The following SCYL2 variants were observed in gnomAD, a reference collection of about 807,000 sequenced individuals.
SCYL2 encodes SCY1 like pseudokinase 2.
In SCYL2, 36 loss-of-function variants were observed where a neutral mutation model predicts 100.4. That is an observed-to-expected ratio of 0.36 (90% CI 0.27 to 0.47). The LOEUF is 0.47. SCYL2 is among the 20% of genes least tolerant of loss of function. The pLI is 1.00. For synonymous variants in SCYL2, 330 were observed against 359.2 expected, an observed-to-expected ratio of 0.92 and a Z score of 0.92; for missense variants, 902 against 1,083.9, an observed-to-expected ratio of 0.83 and a Z score of 2.36.
At chr12:100,285,338 T>A (rs528997682) in intron 2 of SCYL2, among the ~76,000 whole-genome samples, 14 of 152,392 alleles carry the variant, frequency 9.2e-5, no homozygotes, top group African/African-American at 3.1e-4. Context: ...AGTATATGGA[T>A]AAGCTATATC....
chr12:100,285,469 A>T (rs2096303522), intron 2 of SCYL2, among the ~76,000 whole-genome samples: 1 of 152,186 alleles, frequency 6.6e-6, no homozygotes, highest in Non-Finnish European at 1.5e-5. Context: ...GTTGTAGTGT[A>T]TGTGTTCATT....
chr12:100,270,417 C>T (rs2096286359), intron 1 of SCYL2, among the ~76,000 whole-genome samples: 1 of 152,052 alleles, frequency 6.6e-6, no homozygotes, highest in Non-Finnish European at 1.5e-5. Flanking sequence ...GAGAAACTGT[C>T]ACCCCTCTGC....
At chr12:100,291,778 A>C in intron 3 of SCYL2, 118 bp downstream of exon 3, 1 of 911,510 alleles carries the variant, frequency 1.1e-6, no homozygotes, top group Non-Finnish European at 1.6e-6. Context: ...CTAAGTGTTG[A>C]GTTCTTATGC....
At chr12:100,298,349 A>C (rs922709130) in intron 4 of SCYL2, among the ~76,000 whole-genome samples, 174 bp downstream of exon 4, 1 of 152,182 alleles carries the variant, frequency 6.6e-6, no homozygotes, top group Non-Finnish European at 1.5e-5. Flanking sequence ...TGTTCGGGTT[A>C]AATAATATTT....
rs1313244523 is a variant in SCYL2 at position 100,329,252 on chromosome 12, A to C, written c.1694A>C (p.Gln565Pro). 1 of 1,610,312 alleles carries C rather than the reference A, an allele frequency of 6.2e-7. No homozygotes were observed. Among genetic ancestry groups the C allele is most frequent in the Non-Finnish European group, 8.5e-7 (1 of 1,176,798 alleles). ...THKKLGITKEQLAGKVLPHLI... is the reference protein window; with the variant it reads ...THKKLGITKEPLAGKVLPHLI... The stretch of plus-strand genomic sequence containing the variant: ...AAGAAGTTGGGAATCACCAAAGAGC[A>C]GCTGGCCGGAAAAGTGTTGCCTCAT... Residue 565 changes from glutamine (Q) to proline (P), a missense_variant, in exon 13 of 18, where the codon CAG becomes CCG. Physicochemically the swap from Gln to Pro is moderately conservative, Grantham distance 76. Coordinates refer to ENST00000360820, the MANE Select transcript of SCYL2 (RefSeq NM_017988.6).
intron 11 of SCYL2, among the ~76,000 whole-genome samples, chr12:100,325,874 A>G (rs2096361164): frequency 1.3e-5 from 2 of 152,056 alleles, no homozygotes; most frequent in Non-Finnish European, 2.9e-5. Context: ...TCAGAAAACA[A>G]TTGTACATTG....
intron 13 of SCYL2, among the ~76,000 whole-genome samples, chr12:100,332,287 C>A (rs1354601050): frequency 6.6e-6 from 1 of 152,132 alleles, no homozygotes; most frequent in Non-Finnish European, 1.5e-5. Context: ...TCCAAACTCC[C>A]AGAAGGAAGG....
intron 1 of SCYL2, among the ~76,000 whole-genome samples, chr12:100,281,766 G>A (rs1435442687): frequency 1.3e-5 from 2 of 151,496 alleles, no homozygotes; most frequent in Admixed American, 6.6e-5. Flanking sequence ...CCCGGGAGGC[G>A]GAGCTTGCAG....
chr12:100,283,034 G>C lies in SCYL2; in HGVS notation c.64G>C (p.Ala22Pro). The change falls in exon 2 of 18, where the codon GCT (alanine) becomes CCT (proline). Residue 22 changes from alanine (A) to proline (P), a missense_variant. Physicochemically the swap from Ala to Pro is conservative, Grantham distance 27. Coordinates refer to ENST00000360820, the MANE Select transcript of SCYL2 (RefSeq NM_017988.6). ...VTKVTADVTS[A>P]VMGNPVTREF... Reference sequence around the variant, plus strand: ...AAAAGTAACAGCTGATGTCACTAGTGCTGTAATGGGAAATCCTGTCACTAG... The same window carrying C: ...AAAAGTAACAGCTGATGTCACTAGTCCTGTAATGGGAAATCCTGTCACTAG... 1 of 1,613,148 alleles carries C rather than the reference G, an allele frequency of 6.2e-7. No homozygotes were observed. Among genetic ancestry groups the C allele is most frequent in the Non-Finnish European group, 8.5e-7 (1 of 1,179,328 alleles).
intron 3 of SCYL2, among the ~76,000 whole-genome samples, chr12:100,294,711 C>G (rs1175394130): frequency 1.6e-5 from 2 of 125,492 alleles, no homozygotes; most frequent in Non-Finnish European, 3.3e-5. Flanking sequence ...ACCCCCCCAC[C>G]TCCCTCCCGG....
intron 1 of SCYL2, among the ~76,000 whole-genome samples, chr12:100,268,946 G>C (rs1473596236): frequency 6.6e-6 from 1 of 152,032 alleles, no homozygotes; most frequent in Admixed American, 6.6e-5. Flanking sequence ...TCTGCTCTTC[G>C]TCTGTAACAG....
At chr12:100,331,050 C>T (rs1566371350) in intron 13 of SCYL2, among the ~76,000 whole-genome samples, 1 of 151,674 alleles carries the variant, frequency 6.6e-6, no homozygotes, top group African/African-American at 2.4e-5. Flanking sequence ...TGGTCTCAGA[C>T]TCCGATCTCA....
chr12:100,326,461 A>G (rs776004784), intron 11 of SCYL2, among the ~76,000 whole-genome samples, 161 bp from the exon 12 acceptor site: 5 of 152,170 alleles, frequency 3.3e-5, no homozygotes, highest in Non-Finnish European at 7.4e-5. Flanking sequence ...AAAATTAGTA[A>G]ATAAGTGAAT....
At chr12:100,330,986 G>C (rs973707087) in intron 13 of SCYL2, among the ~76,000 whole-genome samples, 2 of 151,780 alleles carry the variant, frequency 1.3e-5, no homozygotes, top group African/African-American at 4.8e-5. Flanking sequence ...GAGGCACCAT[G>C]CCTGGCTAAT....
intron 1 of SCYL2, among the ~76,000 whole-genome samples, chr12:100,281,019 G>GTTTTTTTGTTTTTTTTTTTTT (rs2096297586): frequency 2.0e-5 from 1 of 50,466 alleles, no homozygotes; most frequent in African/African-American, 6.9e-5. Flanking sequence ...TACCATCAGT[G>GTTTTTTTGTTTTTTTTTTTTT]TTTTTTTTTT....
chr12:100,339,907 G>C lies in SCYL2; in HGVS notation c.*735G>C, dbSNP rs1466457675. ...TATTTAGAATCACTTTTTTCCTCCT[G>C]TATCAAGGAAGAGGTATGTGCTGAT... On this transcript the variant is annotated 3_prime_UTR_variant, in exon 18 of 18. Coordinates refer to ENST00000360820, the MANE Select transcript of SCYL2 (RefSeq NM_017988.6). The C allele has an allele frequency of 6.6e-6, 1 of 152,354 alleles. No individual in the cohort carries two copies. Among genetic ancestry groups the C allele is most frequent in the African/African-American group, 2.4e-5 (1 of 41,390 alleles). 9.4% of individuals were successfully genotyped at this position (152,354 alleles called of 1,614,324 possible). A position where few individuals can be genotyped will look rare whatever the true frequency, so the allele number is the denominator to read the frequency against.
intron 10 of SCYL2, among the ~76,000 whole-genome samples, chr12:100,322,020 C>G (rs1404745130): frequency 6.7e-6 from 1 of 149,016 alleles, no homozygotes; most frequent in Non-Finnish European, 1.5e-5. Flanking sequence ...TGCACTCCAC[C>G]CTGGGTGACA....
At position 100,294,503 on chromosome 12, in the gene SCYL2, C is replaced by T. The variant is rs1201620431; in HGVS notation, c.335+2843C>T. ...CTCCAGGATGGGGCGGCTGGCCAGG[C>T]GGGGGGCTGACTCCCCCAGGCTGAC... On this transcript the variant is annotated intron_variant, in intron 3 of 17. Coordinates refer to ENST00000360820, the MANE Select transcript of SCYL2 (RefSeq NM_017988.6). Among the ~76,000 whole-genome samples the T allele has an allele frequency of 7.1e-5, 8 of 112,740 alleles. 1 individual carries two copies. Among genetic ancestry groups the T allele is most frequent in the South Asian group, 3.0e-4 (1 of 3,318 alleles). The allele number at this position is 112,740 out of a possible 152,430, so 74.0% of individuals were successfully genotyped here. A position where few individuals can be genotyped will look rare whatever the true frequency, so the allele number is the denominator to read the frequency against.
chr12:100,300,043 A>G (rs76229235), intron 4 of SCYL2, among the ~76,000 whole-genome samples: 1 of 152,152 alleles, frequency 6.6e-6, no homozygotes, highest in African/African-American at 2.4e-5. Context: ...TCTCTTTGGT[A>G]TCAGTCATTC....
Sources: gnomAD v4.1 joint callset for allele counts (sites outside exome capture counted in the v4.1 genomes callset) on GRCh38, gnomAD v4.1.1 for gene constraint, MANE v1.5 for transcripts, NCBI Gene and HGNC (gene_info 2026-07-23, HGNC 2026-07-21) for gene names.